AGBL1: variants seen among roughly 807,000 people sequenced by gnomAD.
AGBL1 encodes AGBL carboxypeptidase 1, also known as cytosolic carboxypeptidase 4.
A neutral mutation model predicts 118.9 loss-of-function variants in AGBL1; 130 were observed. The ratio of observed to expected loss-of-function variants is 1.09; its 90% CI spans 0.95 to 1.26. AGBL1 has a LOEUF of 1.26. Ranked by LOEUF, AGBL1 falls within the 50% of genes most tolerant of loss-of-function variation. The probability of loss-of-function intolerance (pLI) is 0.00; values close to 1 mark genes in which losing one functional copy is unlikely to be tolerated. For synonymous variants in AGBL1, 555 were observed against 478.9 expected (o/e 1.16, Z -2.08); for missense variants, 1,584 against 1,298.1 (o/e 1.22, Z -3.38).
chr15:86,092,285 A>G (rs921978345), intron 1 of AGBL1, among the ~76,000 whole-genome samples: 1 of 152,180 alleles, frequency 6.6e-6, no homozygotes, highest in East Asian at 1.9e-4. Flanking sequence ...TGATTGTTTG[A>G]GTAAATACAT....
intron 21 of AGBL1, among the ~76,000 whole-genome samples, chr15:86,573,017 G>T (rs1017210038): frequency 7.2e-5 from 11 of 152,196 alleles, no homozygotes; most frequent in African/African-American, 2.7e-4. Flanking sequence ...ATGTAAATGA[G>T]AACTTTTTAG....
intron 23 of AGBL1, among the ~76,000 whole-genome samples, chr15:86,931,706 G>C (rs2080607831): frequency 6.6e-6 from 1 of 152,090 alleles, no homozygotes; most frequent in African/African-American, 2.4e-5. Context: ...GTGAGGTGGA[G>C]GGGGGACCTT....
intron 18 of AGBL1, among the ~76,000 whole-genome samples, chr15:86,406,073 T>C (rs930471616): frequency 2.6e-5 from 4 of 152,216 alleles, no homozygotes; most frequent in Admixed American, 2.6e-4. Context: ...ATTTGGTTCT[T>C]CCTGCTGCTG....
At chr15:86,480,285 C>CT (rs1239427182) in intron 18 of AGBL1, among the ~76,000 whole-genome samples, 3 of 152,032 alleles carry the variant, frequency 2.0e-5, no homozygotes, top group Non-Finnish European at 4.4e-5. Context: ...GTATGATAAC[C>CT]TTTTTTACCA....
chr15:86,594,444 A>AT lies in AGBL1; in HGVS notation c.2994+39913dup, dbSNP rs537235581. On this transcript the variant is annotated intron_variant, in intron 21 of 22. Transcript: ENST00000614907. ...GTAATAAAAAATGTTCTTTTCTTCT[A>AT]TTTTTTATTAAGTAAACTGAAGAAT... Among the ~76,000 whole-genome samples the AT allele has an allele frequency of 1.5e-3, 227 of 152,158 alleles. 1 individual carries two copies. Among genetic ancestry groups the AT allele is most frequent in the African/African-American group, 4.4e-3 (184 of 41,514 alleles).
intron 17 of AGBL1, among the ~76,000 whole-genome samples, chr15:86,298,411 G>A (rs141581630): frequency 2.7e-4 from 39 of 142,694 alleles, no homozygotes; most frequent in African/African-American, 8.7e-4. Flanking sequence ...AACACATGCC[G>A]TTGCTGTGTT....
intron 5 of AGBL1, among the ~76,000 whole-genome samples, chr15:86,187,861 A>G (rs1294115427): frequency 2.0e-5 from 3 of 152,174 alleles, no homozygotes; most frequent in African/African-American, 7.2e-5. Flanking sequence ...GCTTGCTCAA[A>G]ACGCTGCTTC....
intron 17 of AGBL1, among the ~76,000 whole-genome samples, chr15:86,351,709 A>T (rs1173755737): frequency 6.6e-6 from 1 of 152,160 alleles, no homozygotes; most frequent in African/African-American, 2.4e-5. Context: ...CATCCAGAAG[A>T]TCAAATATAA....
intron 18 of AGBL1, among the ~76,000 whole-genome samples, chr15:86,434,911 C>G (rs971863061): frequency 6.6e-6 from 1 of 152,162 alleles, no homozygotes; most frequent in African/African-American, 2.4e-5. Flanking sequence ...CTTTTATATC[C>G]TATTGTTCTG....
In AGBL1 at chr15:86,989,276, C is replaced by T. The variant is rs532556733; in HGVS notation, c.3323+1188C>T. On this transcript the variant is annotated intron_variant, in intron 24 of 24. Transcript: ENST00000441037. ...TTGGCTTCCCAAAGTGCTGGGATTA[C>T]AGGCATGAGCCACCACACCCAGCCC... Among the ~76,000 whole-genome samples the T allele has an allele frequency of 2.2e-3, 332 of 152,232 alleles. 1 individual carries two copies. Among genetic ancestry groups the T allele is most frequent in the African/African-American group, 7.5e-3 (311 of 41,540 alleles).
At chr15:86,884,211 A>C (rs889455083) in intron 22 of AGBL1, among the ~76,000 whole-genome samples, 1 of 152,220 alleles carries the variant, frequency 6.6e-6, no homozygotes, top group Non-Finnish European at 1.5e-5. Flanking sequence ...TAAGTACTTC[A>C]ACATAATGAC....
intron 17 of AGBL1, among the ~76,000 whole-genome samples, chr15:86,301,667 TG>T (rs2079748394): frequency 6.6e-6 from 1 of 150,474 alleles, no homozygotes; most frequent in Non-Finnish European, 1.5e-5. Context: ...TGTGTGTGTG[TG>T]TGTGTGTGTG....
intron 23 of AGBL1, among the ~76,000 whole-genome samples, chr15:86,949,167 A>G (rs2080854109): frequency 6.6e-6 from 1 of 152,238 alleles, no homozygotes. Context: ...AATGAAAAAA[A>G]TAAAAAAATA....
At chr15:86,757,778 C>A (rs1027496255) in intron 22 of AGBL1, among the ~76,000 whole-genome samples, 2 of 152,020 alleles carry the variant, frequency 1.3e-5, no homozygotes, top group African/African-American at 2.4e-5. Flanking sequence ...CCTCTCTAAG[C>A]GGATTTGTAG....
intron 22 of AGBL1, among the ~76,000 whole-genome samples, chr15:86,774,909 G>A (rs2078232312): frequency 6.6e-6 from 1 of 152,098 alleles, no homozygotes; most frequent in South Asian, 2.1e-4. Context: ...CCATGCTAAG[G>A]AGTGAGGATG....
chr15:86,961,342 G>A (rs1382166359), intron 23 of AGBL1, among the ~76,000 whole-genome samples: 1 of 152,060 alleles, frequency 6.6e-6, no homozygotes, highest in Non-Finnish European at 1.5e-5. Flanking sequence ...GGTCCACTCT[G>A]CAGCTCTACT....
chr15:86,194,314 G>C (rs1345285509), intron 5 of AGBL1, among the ~76,000 whole-genome samples: 1 of 152,198 alleles, frequency 6.6e-6, no homozygotes, highest in African/African-American at 2.4e-5. Flanking sequence ...TTATCAAGAT[G>C]TCTGGGTCTA....
chr15:86,665,639 T>C (rs1205514896), intron 21 of AGBL1, among the ~76,000 whole-genome samples: 1 of 152,182 alleles, frequency 6.6e-6, no homozygotes. Context: ...TTTTCCTTTA[T>C]GATTTCTTCC....
intron 22 of AGBL1, among the ~76,000 whole-genome samples, chr15:86,778,299 C>T (rs185687123): frequency 2.7e-3 from 412 of 152,212 alleles, no homozygotes; most frequent in African/African-American, 9.6e-3. Flanking sequence ...AATGAAGTTT[C>T]GGGCACACAA....
Sources: allele counts gnomAD v4.1 joint callset (sites outside exome capture counted in the v4.1 genomes callset), GRCh38; gene constraint gnomAD v4.1.1; transcripts MANE v1.5; gene names NCBI Gene and HGNC (gene_info 2026-07-23, HGNC 2026-07-21).